The following NELL1 variants were observed in gnomAD, a reference collection of about 807,000 sequenced individuals.
The protein encoded by NELL1 is protein kinase C-binding protein NELL1.
A neutral mutation model predicts 107.4 loss-of-function variants in NELL1; 76 were observed. The observed-to-expected ratio is 0.71, with a 90% CI of 0.59 to 0.86. NELL1 has a LOEUF of 0.86. NELL1 is among the 40% of genes least tolerant of loss of function. The pLI, the probability that NELL1 is intolerant of heterozygous loss-of-function variation, is 0.00. For missense variants in NELL1, 1,024 were observed against 1,005.5 expected, an observed-to-expected ratio of 1.02 and a Z score of -0.25; for synonymous variants, 353 against 341.2, an observed-to-expected ratio of 1.03 and a Z score of -0.38.
chr11:21,066,058 T>A (rs1053706138), intron 12 of NELL1, among the ~76,000 whole-genome samples: 3 of 152,250 alleles, frequency 2.0e-5, no homozygotes, highest in Non-Finnish European at 4.4e-5. Flanking sequence ...TTTAAATGAA[T>A]ACGGTTCATC....
Position 20,836,443 on chromosome 11 carries a change from T to G in NELL1, c.336-11140T>G, listed in dbSNP as rs142124315. On this transcript the variant is annotated intron_variant, in intron 3 of 19. Coordinates refer to ENST00000357134, the MANE Select transcript of NELL1 (RefSeq NM_006157.5). Reference sequence around the variant, plus strand: ...TATCACAAAATCAAGGAATTGCACTTCTAGGTATTTACTCAGTTGATTTGA... The same window carrying G: ...TATCACAAAATCAAGGAATTGCACTGCTAGGTATTTACTCAGTTGATTTGA... Among the ~76,000 whole-genome samples the G allele has an allele frequency of 1.3e-4, 20 of 152,238 alleles. No homozygotes were observed. In the East Asian group the frequency reaches 3.9e-3, roughly 29 times the overall value.
chr11:20,954,362 T>A (rs1590457901), intron 11 of NELL1, among the ~76,000 whole-genome samples: 1 of 152,320 alleles, frequency 6.6e-6, no homozygotes, highest in East Asian at 1.9e-4. Flanking sequence ...CCCACTAGGA[T>A]CTGTGTCCTG....
At chr11:20,715,544 T>C (rs566390609) in intron 2 of NELL1, among the ~76,000 whole-genome samples, 1 of 152,296 alleles carries the variant, frequency 6.6e-6, no homozygotes, top group East Asian at 1.9e-4. Flanking sequence ...CTTATGCATG[T>C]TTCCCCTACT....
chr11:21,342,653 A>AAAAAAG (rs1459413972), intron 14 of NELL1, among the ~76,000 whole-genome samples: 1 of 138,626 alleles, frequency 7.2e-6, no homozygotes, highest in East Asian at 2.2e-4. Flanking sequence ...AAAAAAAAAA[A>AAAAAAG]AAAAAGAAAA....
chr11:20,689,236 T>G (rs1324004149), intron 2 of NELL1, among the ~76,000 whole-genome samples: 3 of 152,024 alleles, frequency 2.0e-5, no homozygotes, highest in Admixed American at 6.6e-5. Context: ...GCCTGTTTAC[T>G]CTGTTGATAG....
intron 15 of NELL1, among the ~76,000 whole-genome samples, chr11:21,429,443 G>T (rs928820361): frequency 4.6e-5 from 7 of 152,134 alleles, no homozygotes; most frequent in African/African-American, 1.7e-4. Context: ...TAAAATCTGT[G>T]TATGAATTTG....
chr11:21,270,519 T>A (rs1271571416), intron 14 of NELL1, among the ~76,000 whole-genome samples: 1 of 152,042 alleles, frequency 6.6e-6, no homozygotes, highest in Non-Finnish European at 1.5e-5. Flanking sequence ...CATGAGAACC[T>A]CAAAATACAT....
chr11:21,182,740 G>GA (rs1856855367), intron 13 of NELL1, among the ~76,000 whole-genome samples: 1 of 151,566 alleles, frequency 6.6e-6, no homozygotes, highest in Non-Finnish European at 1.5e-5. Flanking sequence ...TCTGAGCATA[G>GA]AAAAATGGTA....
chr11:21,399,331 T>C (rs147477510), intron 15 of NELL1, among the ~76,000 whole-genome samples: 2 of 151,784 alleles, frequency 1.3e-5, no homozygotes, highest in Non-Finnish European at 3.0e-5. Context: ...ATCGCTTCAG[T>C]TGCTATTTAG....
rs1259167671 is a variant in NELL1, at chr11:21,284,136, G to A, written c.1549+54682G>A. The A allele has an allele frequency of 7.1e-6, 3 of 420,294 alleles. No individual in the cohort carries two copies. The Admixed American group carries it at 7.5e-5, about 11-fold the overall frequency. The allele number at this position is 420,294 out of a possible 1,614,324, so 26.0% of individuals were successfully genotyped here. A position where few individuals can be genotyped will look rare whatever the true frequency, so the allele number is the denominator to read the frequency against. ...TGAAACCGTGTGGCTTTGAAGAGTA[G>A]CGTTAAAACTGACGACACCCTGCCA... On this transcript the variant is annotated intron_variant, in intron 14 of 19. Transcript: ENST00000357134.
rs542208547 is a variant in NELL1 at position 21,387,595 on chromosome 11, G to C, written c.1645+16647G>C. 6.6e-5 allele frequency among the ~76,000 whole-genome samples: 10 copies of C among 151,968 alleles called. No homozygotes were observed. The East Asian group carries it at 2.0e-3, about 30-fold the overall frequency. On this transcript the variant is annotated intron_variant, in intron 15 of 19. Transcript: ENST00000357134. Reference sequence around the variant, plus strand: ...AGAGCTGTGATTTGAACAGCTCTTTGTGCCTCAAAGCTCAGGCTTTTAAAA... The same window carrying C: ...AGAGCTGTGATTTGAACAGCTCTTTCTGCCTCAAAGCTCAGGCTTTTAAAA...
chr11:21,221,023 A>T (rs1440011924), intron 13 of NELL1, among the ~76,000 whole-genome samples: 1 of 152,018 alleles, frequency 6.6e-6, no homozygotes, highest in Non-Finnish European at 1.5e-5. Flanking sequence ...TATGGTCTTT[A>T]TTGTGTCTGG....
intron 14 of NELL1, among the ~76,000 whole-genome samples, chr11:21,246,361 A>G (rs1173216409): frequency 6.7e-6 from 1 of 149,668 alleles, no homozygotes; most frequent in Non-Finnish European, 1.5e-5. Flanking sequence ...AGATATCAGC[A>G]TTAGCAAGCT....
intron 14 of NELL1, among the ~76,000 whole-genome samples, chr11:21,337,784 CTTTCT>C (rs1565175375): frequency 1.4e-5 from 2 of 139,446 alleles, no homozygotes; most frequent in East Asian, 2.1e-4. Flanking sequence ...TTCTTTCTTT[CTTTCT>C]TTCTTTCCTT....
At chr11:21,065,997 A>G (rs1301309406) in intron 12 of NELL1, among the ~76,000 whole-genome samples, 1 of 152,188 alleles carries the variant, frequency 6.6e-6, no homozygotes, top group African/African-American at 2.4e-5. Context: ...TTTGAATATT[A>G]CAATTTATCT....
chr11:21,120,007 A>G (rs1222085551), intron 13 of NELL1, among the ~76,000 whole-genome samples: 1 of 152,112 alleles, frequency 6.6e-6, no homozygotes, highest in Non-Finnish European at 1.5e-5. Flanking sequence ...AAAGCTTCCC[A>G]TGAAGGTAAG....
chr11:20,923,929 T>C (rs1212885527), intron 7 of NELL1, among the ~76,000 whole-genome samples: 1 of 152,174 alleles, frequency 6.6e-6, no homozygotes. Flanking sequence ...ACAACTAATG[T>C]ACTTAGATCT....
intron 12 of NELL1, among the ~76,000 whole-genome samples, chr11:21,097,587 A>T (rs1362051867): frequency 6.6e-6 from 1 of 151,950 alleles, no homozygotes. Flanking sequence ...ATTTCGGGGG[A>T]ACAATGGGTA....
At chr11:20,808,698 G>A (rs1474276240) in intron 3 of NELL1, among the ~76,000 whole-genome samples, 4 of 152,220 alleles carry the variant, frequency 2.6e-5, no homozygotes, top group African/African-American at 9.6e-5. Flanking sequence ...TGACCATTGG[G>A]ATTGGGGATT....
Sources: allele counts gnomAD v4.1 joint callset (sites outside exome capture counted in the v4.1 genomes callset), GRCh38; gene constraint gnomAD v4.1.1; transcripts MANE v1.5; gene names NCBI Gene and HGNC (gene_info 2026-07-23, HGNC 2026-07-21).